UACA: variants seen among roughly 807,000 people sequenced by gnomAD.
UACA encodes nuclear membrane binding protein.
A neutral mutation model predicts 160.5 loss-of-function variants in UACA; 112 were observed. The observed-to-expected ratio is 0.70, with a 90% CI of 0.60 to 0.82. The LOEUF is 0.82. UACA is among the 40% of genes least tolerant of loss of function. UACA has a pLI of 0.00. For synonymous variants in UACA, 557 were observed against 568.4 expected, an observed-to-expected ratio of 0.98 and a Z score of 0.29; for missense variants, 1,574 against 1,614.6, an observed-to-expected ratio of 0.97 and a Z score of 0.43.
At position 70,667,368 on chromosome 15, in the gene UACA, G is replaced by T. The variant is rs1032768595; in HGVS notation, c.3316C>A (p.Leu1106Ile). Residue 1106 changes from leucine to isoleucine, a missense_variant, in exon 16 of 19, where the codon CTT becomes ATT. Transcript: ENST00000322954. ...QTSEILAVQN[L>I]LQKQHVPLEQ... is the part of the protein sequence containing the mutation. Reference sequence around the variant, plus strand: ...AATGGAACATGTTGTTTTTGCAAAAGATTTTGCACTGCAAGTATCTCAGAA... The same window carrying T: ...AATGGAACATGTTGTTTTTGCAAAATATTTTGCACTGCAAGTATCTCAGAA... 1 of 1,612,732 alleles carries T rather than the reference G, an allele frequency of 6.2e-7. No individual in the cohort carries two copies.
intron 1 of UACA, among the ~76,000 whole-genome samples, chr15:70,743,102 C>A (rs1177534113): frequency 6.6e-6 from 1 of 152,288 alleles, no homozygotes; most frequent in East Asian, 1.9e-4. Context: ...GGGTTGTTAA[C>A]CACAAGCCTC....
At chr15:70,754,458 A>T (rs1320978478) in intron 1 of UACA, among the ~76,000 whole-genome samples, 2 of 152,210 alleles carry the variant, frequency 1.3e-5, no homozygotes, top group African/African-American at 4.8e-5. Context: ...TGTTCTGAGC[A>T]TGTTTAAAGA....
At chr15:70,660,095 TA>T in intron 18 of UACA, 55 bp downstream of exon 18, 1 of 1,417,312 alleles carries the variant, frequency 7.1e-7, no homozygotes, top group Non-Finnish European at 9.7e-7. Flanking sequence ...TATTTGAAAA[TA>T]AAAAATTATT....
At chr15:70,749,869 C>CA (rs1367714884) in intron 1 of UACA, among the ~76,000 whole-genome samples, 10 of 151,748 alleles carry the variant, frequency 6.6e-5, no homozygotes, top group Middle Eastern at 3.4e-3. Flanking sequence ...ATGTGCACTT[C>CA]AAAAAAAATA....
chr15:70,708,869 T>G (rs1337035073), intron 1 of UACA, among the ~76,000 whole-genome samples: 1 of 152,224 alleles, frequency 6.6e-6, no homozygotes, highest in Non-Finnish European at 1.5e-5. Context: ...GGTTAATAAC[T>G]GTTAAAGCTG....
chr15:70,722,447 A>G (rs931381277), intron 1 of UACA, among the ~76,000 whole-genome samples: 2 of 151,904 alleles, frequency 1.3e-5, no homozygotes, highest in Non-Finnish European at 2.9e-5. Context: ...CCTCCTGAGT[A>G]GCTGGGACTA....
At chr15:70,763,868 T>TA (rs897370205), upstream of UACA, among the ~76,000 whole-genome samples, 4 of 152,158 alleles carry the variant, frequency 2.6e-5, no homozygotes, top group Non-Finnish European at 4.4e-5. Context: ...CTTCCCGGAC[T>TA]CCCCTCCTCT....
the UACA span, among the ~76,000 whole-genome samples, chr15:70,769,890 A>G: frequency 6.6e-6 from 1 of 152,166 alleles, no homozygotes; most frequent in African/African-American, 2.4e-5. Flanking sequence ...CCAGCCACTC[A>G]GGTGGCTGAG....
chr15:70,676,891 A>G (rs1897318431), intron 12 of UACA, among the ~76,000 whole-genome samples: 1 of 152,214 alleles, frequency 6.6e-6, no homozygotes, highest in African/African-American at 2.4e-5. Context: ...CACAGAAAGT[A>G]AGACTTTCAG....
chr15:70,705,899 T>C (rs975363125), intron 1 of UACA, among the ~76,000 whole-genome samples: 7 of 152,162 alleles, frequency 4.6e-5, no homozygotes, highest in African/African-American at 1.7e-4. Context: ...TAAACTGAGA[T>C]TTCTGATGTG....
Position 70,664,829 on chromosome 15 carries a change from TGTA to T in UACA, c.3961-18_3961-16del, listed in dbSNP as rs1566961537. On this transcript the variant is annotated splice_polypyrimidine_tract_variant and intron_variant, in intron 16 of 18. Transcript: ENST00000322954. The stretch of plus-strand genomic sequence containing the variant: ...AGTTCAGTTATCTTTAAAAAAATGT[TGTA>T]GGAGAAATATATTATTCACTTATCA... The T allele has an allele frequency of 6.2e-7, 1 of 1,605,214 alleles. No homozygotes were observed. Among genetic ancestry groups the T allele is most frequent in the African/African-American group, 1.3e-5 (1 of 74,482 alleles).
intron 15 of UACA, 61 bp downstream of exon 15, chr15:70,670,977 TA>T: frequency 8.9e-7 from 1 of 1,128,900 alleles, no homozygotes; most frequent in Non-Finnish European, 1.2e-6. Context: ...CTCCTCTCTT[TA>T]TAAAGGCACA....
At chr15:70,749,387 G>A (rs1379859408) in intron 1 of UACA, 2 of 189,092 alleles carry the variant, frequency 1.1e-5, no homozygotes, top group Middle Eastern at 2.3e-3. Flanking sequence ...TTAGCCGGGC[G>A]CGGTGGCGGG....
At chr15:70,741,130 G>T (rs116684278) in intron 1 of UACA, among the ~76,000 whole-genome samples, 173 of 152,256 alleles carry the variant, frequency 1.1e-3, no homozygotes, top group African/African-American at 4.1e-3. Context: ...TATAAGGAGG[G>T]ACTCACTGTC....
At chr15:70,756,798 G>A (rs926692799) in intron 1 of UACA, among the ~76,000 whole-genome samples, 8 of 152,152 alleles carry the variant, frequency 5.3e-5, no homozygotes, top group East Asian at 3.9e-4. Flanking sequence ...ACTTGAACCC[G>A]GGAGGCGGAG....
chr15:70,762,077 C>T lies in UACA; in HGVS notation c.78+1253G>A, dbSNP rs186135219. Reference sequence around the variant, plus strand: ...AAAAAAAAAAGTGAAACAAAGTAATCTCTGTTTTCCATGAGCTTATAAAAC... The same window carrying T: ...AAAAAAAAAAGTGAAACAAAGTAATTTCTGTTTTCCATGAGCTTATAAAAC... On this transcript the variant is annotated intron_variant, in intron 1 of 18. Coordinates refer to ENST00000322954, the MANE Select transcript of UACA (RefSeq NM_018003.4). 4.5e-4 allele frequency among the ~76,000 whole-genome samples: 69 copies of T among 152,126 alleles called. 1 individual carries two copies. The highest frequency in any genetic ancestry group is 3.4e-3 in the Middle Eastern group (1 of 294).
At chr15:70,723,439 T>G (rs75410216) in intron 1 of UACA, among the ~76,000 whole-genome samples, 2 of 152,180 alleles carry the variant, frequency 1.3e-5, no homozygotes, top group Non-Finnish European at 2.9e-5. Flanking sequence ...ACGTCTAAGA[T>G]CCTCCATGGT....
At chr15:70,769,811 A>G in the UACA span, among the ~76,000 whole-genome samples, 2 of 152,138 alleles carry the variant, frequency 1.3e-5, no homozygotes, top group African/African-American at 4.8e-5. Flanking sequence ...AGCCTGGCCA[A>G]TATGGTGAAA....
intron 13 of UACA, among the ~76,000 whole-genome samples, chr15:70,672,722 G>A (rs1024990470): frequency 2.0e-5 from 3 of 152,190 alleles, no homozygotes; most frequent in Non-Finnish European, 2.9e-5. Context: ...ACTTTGGAAG[G>A]CTGAGACAGG....
Sources: gnomAD v4.1 joint callset for allele counts (sites outside exome capture counted in the v4.1 genomes callset) on GRCh38, gnomAD v4.1.1 for gene constraint, MANE v1.5 for transcripts, NCBI Gene and HGNC (gene_info 2026-07-23, HGNC 2026-07-21) for gene names.